TRA2B: variants seen among roughly 807,000 people sequenced by gnomAD.
TRA2B encodes the protein transformer 2 beta homolog.
TRA2B carries 14 observed loss-of-function variants against 41.7 expected under a neutral mutation model. The ratio of observed to expected loss-of-function variants is 0.34; its 90% CI spans 0.22 to 0.53. The LOEUF (loss-of-function observed/expected upper bound fraction) is 0.53. Among genes scored for constraint, TRA2B ranks in the 20% least tolerant of loss-of-function variants. The pLI is 0.95. For missense variants in TRA2B, 167 were observed against 396.8 expected, an observed-to-expected ratio of 0.42 and a Z score of 4.92; for synonymous variants, 130 against 128.8, an observed-to-expected ratio of 1.01 and a Z score of -0.06.
At chr3:185,935,064 A>C (rs764214090) in intron 1 of TRA2B, 54 of 985,272 alleles carry the variant, frequency 5.5e-5, no homozygotes, top group Admixed American at 6.2e-5. Flanking sequence ...CACACAACCT[A>C]TACGCTGTGA....
chr3:185,926,102 A>T (rs531668754), intron 2 of TRA2B, among the ~76,000 whole-genome samples: 1 of 152,224 alleles, frequency 6.6e-6, no homozygotes, highest in African/African-American at 2.4e-5. Flanking sequence ...ATTTAAGAAA[A>T]GGGGTGCTGT....
At chr3:185,935,895 T>A (rs1744333155) in intron 1 of TRA2B, 1 of 984,372 alleles carries the variant, frequency 1.0e-6, no homozygotes, top group African/African-American at 1.8e-5. Context: ...GACTCTTATG[T>A]AAGAAAAAAA....
In TRA2B at chr3:185,916,322, G is replaced by GT. The variant is rs559164579; in HGVS notation, c.*1392dup. ...CACTTAAACAGCTATTTGAACTAAG[G>GT]TAAGTTACTCTACATCATTTCATTG... On this transcript the variant is annotated 3_prime_UTR_variant, in exon 9 of 9. Transcript: ENST00000453386. 3 of 152,150 alleles carry GT rather than the reference G, an allele frequency of 2.0e-5. No homozygotes were observed. The highest frequency in any genetic ancestry group is 6.6e-5 in the Admixed American group (1 of 15,266). The allele number at this position is 152,150 out of a possible 1,614,324, so 9.4% of individuals were successfully genotyped here. A position where few individuals can be genotyped will look rare whatever the true frequency, so the allele number is the denominator to read the frequency against.
chr3:185,924,000 A>G lies in TRA2B; in HGVS notation c.334-16T>C. ...CAGGATTTGCCTAGGGAAAAAAAAA[A>G]GTTTTAAACTTTGGAAAAGTTGTCA... is the stretch of plus-strand genomic sequence containing the variant. On this transcript the variant is annotated splice_polypyrimidine_tract_variant and intron_variant, in intron 3 of 8. Coordinates refer to ENST00000453386, the MANE Select transcript of TRA2B (RefSeq NM_004593.3). 1 of 1,581,922 alleles carries G rather than the reference A, an allele frequency of 6.3e-7. No individual in the cohort carries two copies.
At chr3:185,934,624 A>T (rs1744277830) in intron 1 of TRA2B, 1 of 985,302 alleles carries the variant, frequency 1.0e-6, no homozygotes, top group African/African-American at 1.7e-5. Flanking sequence ...TTTTTAAAGG[A>T]AATTTGGTGA....
Position 185,914,978 on chromosome 3 carries a change from G to C in TRA2B, c.*2737C>G, listed in dbSNP as rs1198050151. 6.6e-6 allele frequency among the ~76,000 whole-genome samples: 1 copy of C among 152,084 alleles called. No homozygotes were observed. Among genetic ancestry groups the C allele is most frequent in the African/African-American group, 2.4e-5 (1 of 41,390 alleles). ...TAAGGCATATATTCCTTATGTAGGGGCAACAATGTAAACATTGCAGACCTT... is the reference window on the plus strand; with the variant it reads ...TAAGGCATATATTCCTTATGTAGGGCCAACAATGTAAACATTGCAGACCTT... On this transcript the variant is annotated 3_prime_UTR_variant, in exon 9 of 9. Coordinates refer to ENST00000453386, the MANE Select transcript of TRA2B (RefSeq NM_004593.3).
chr3:185,936,547 T>C (rs1578490376), intron 1 of TRA2B: 1 of 985,452 alleles, frequency 1.0e-6, no homozygotes, highest in Non-Finnish European at 1.2e-6. Context: ...CTTCCTAAAA[T>C]ACTCTGAGGA....
chr3:185,936,347 A>AG (rs1294413011), intron 1 of TRA2B: 1 of 985,332 alleles, frequency 1.0e-6, no homozygotes, highest in Non-Finnish European at 1.2e-6. Context: ...TACCCAAGAA[A>AG]GCAAGAACTT....
chr3:185,932,389 T>A (rs1249776984), intron 1 of TRA2B, among the ~76,000 whole-genome samples: 1 of 152,190 alleles, frequency 6.6e-6, no homozygotes, highest in African/African-American at 2.4e-5. Flanking sequence ...AGAAAGACGG[T>A]GTCAGGGAAC....
At position 185,918,400 on chromosome 3, in the gene TRA2B, T is replaced by C. The variant is rs1743585522; in HGVS notation, c.821A>G (p.Tyr274Cys). The C allele has an allele frequency of 6.2e-7, 1 of 1,613,898 alleles. No individual in the cohort carries two copies. Among genetic ancestry groups the C allele is most frequent in the Non-Finnish European group, 8.5e-7 (1 of 1,179,868 alleles). ...TGATCGAGATCTGGAACGTGATCTG[T>C]ATCCTCCACGACTATAGTAAGGAGA... ...SPSPYYSRGG[Y>C]RSRSRSRSYS... is the part of the protein sequence containing the mutation. Residue 274 changes from tyrosine (Y) to cysteine (C), a missense_variant, in exon 8 of 9, where the codon TAC becomes TGC. Coordinates refer to ENST00000453386, the MANE Select transcript of TRA2B (RefSeq NM_004593.3).
rs1578469531 is a variant in TRA2B at position 185,917,436 on chromosome 3, T to C, written c.*279A>G. 2.4e-6 allele frequency: 1 copy of C among 423,186 alleles called. No homozygotes were observed. Among genetic ancestry groups the C allele is most frequent in the Non-Finnish European group, 4.2e-6 (1 of 235,392 alleles). The allele number at this position is 423,186 out of a possible 1,614,324, so 26.2% of individuals were successfully genotyped here. A position where few individuals can be genotyped will look rare whatever the true frequency, so the allele number is the denominator to read the frequency against. On this transcript the variant is annotated 3_prime_UTR_variant, in exon 9 of 9. Coordinates refer to ENST00000453386, the MANE Select transcript of TRA2B (RefSeq NM_004593.3). The stretch of plus-strand genomic sequence containing the variant: ...GTAGAAAAACCTTTTAAATGAAGTT[T>C]TGTACAATAGAAACTTCTCAGCAGT...
At chr3:185,934,970 T>C in intron 1 of TRA2B, 2 of 985,474 alleles carry the variant, frequency 2.0e-6, no homozygotes, top group Non-Finnish European at 1.2e-6. Flanking sequence ...TGGATTCCTT[T>C]AGTAAAGACT....
At chr3:185,925,297 C>G (rs1434974216) in intron 3 of TRA2B, 167 bp downstream of exon 3, 4 of 734,730 alleles carry the variant, frequency 5.4e-6, no homozygotes, top group Non-Finnish European at 6.3e-6. Context: ...AAATGCAGAC[C>G]CCGTCATGGA....
chr3:185,930,178 G>A (rs999762421), intron 1 of TRA2B, among the ~76,000 whole-genome samples: 4 of 152,128 alleles, frequency 2.6e-5, no homozygotes, highest in African/African-American at 9.7e-5. Flanking sequence ...AGTGGGCTGG[G>A]GGTTAAGAGG....
chr3:185,924,406 A>T (rs889870630), intron 3 of TRA2B: 4 of 159,558 alleles, frequency 2.5e-5, no homozygotes, highest in African/African-American at 9.6e-5. Flanking sequence ...AAAGATGAGC[A>T]TGTATGGTTC....
chr3:185,916,211 TCA>T lies in TRA2B; in HGVS notation c.*1502_*1503del, dbSNP rs1743495159. ...TATGCTCCATTACTGGTATTTTCCA[TCA>T]CCCAGGTACCCAGATTTGAGACATC... On this transcript the variant is annotated 3_prime_UTR_variant, in exon 9 of 9. Transcript: ENST00000453386. 1 of 152,212 alleles carries T rather than the reference TCA, an allele frequency of 6.6e-6. No homozygotes were observed. The highest frequency in any genetic ancestry group is 1.5e-5 in the Non-Finnish European group (1 of 68,042). 9.4% of individuals were successfully genotyped at this position (152,212 alleles called of 1,614,324 possible). A position where few individuals can be genotyped will look rare whatever the true frequency, so the allele number is the denominator to read the frequency against.
rs972300956 is a variant in TRA2B at position 185,923,664 on chromosome 3, C to T, written c.522+132G>A. 3 of 805,838 alleles carry T rather than the reference C, an allele frequency of 3.7e-6. No individual in the cohort carries two copies. In the African/African-American group the frequency reaches 5.3e-5, roughly 14 times the overall value. 49.9% of individuals were successfully genotyped at this position (805,838 alleles called of 1,614,324 possible). A position where few individuals can be genotyped will look rare whatever the true frequency, so the allele number is the denominator to read the frequency against. On this transcript the variant is annotated intron_variant, in intron 4 of 8. Transcript: ENST00000453386. Reference sequence around the variant, plus strand: ...TTGTTATTCTGCATGTATCTTGAGTCTCCACAAGAGGTTGGAGAAAAAGTT... The same window carrying T: ...TTGTTATTCTGCATGTATCTTGAGTTTCCACAAGAGGTTGGAGAAAAAGTT...
At chr3:185,929,207 T>C (rs1026752524) in intron 1 of TRA2B, 2 of 152,348 alleles carry the variant, frequency 1.3e-5, no homozygotes, top group Admixed American at 6.5e-5. Context: ...TAAAGCTTTC[T>C]GAAGTTATTT....
chr3:185,937,720 T>C, intron 1 of TRA2B, 105 bp downstream of exon 1: 1 of 1,518,878 alleles, frequency 6.6e-7, no homozygotes, highest in Non-Finnish European at 9.1e-7. Context: ...GCTTCAGACT[T>C]CGGAGCCTAA....
Sources: gnomAD v4.1 joint callset for allele counts (sites outside exome capture counted in the v4.1 genomes callset) on GRCh38, gnomAD v4.1.1 for gene constraint, MANE v1.5 for transcripts, NCBI Gene and HGNC (gene_info 2026-07-23, HGNC 2026-07-21) for gene names.